SLC19A1: variants seen among roughly 807,000 people sequenced by gnomAD.
The protein encoded by SLC19A1 is reduced folate transporter.
Under a neutral mutation model 35.3 loss-of-function variants are expected in SLC19A1, and 37 were observed. The ratio of observed to expected loss-of-function variants is 1.05; its 90% CI spans 0.81 to 1.38. The LOEUF (loss-of-function observed/expected upper bound fraction) is 1.38, where lower values mean the gene tolerates loss of function less well. SLC19A1 is among the 40% of genes most tolerant of loss of function. The pLI is 0.00. For missense variants in SLC19A1, 831 were observed against 826.9 expected, an observed-to-expected ratio of 1.00 and a Z score of -0.06; for synonymous variants, 460 against 398.5, an observed-to-expected ratio of 1.15 and a Z score of -1.84.
chr21:45,507,611 T>C (rs764341006), downstream of SLC19A1: 2 of 1,611,986 alleles, frequency 1.2e-6, no homozygotes, highest in South Asian at 2.2e-5. Context: ...GCCTTTTTTC[T>C]GTTGAGACTG....
intron 3 of SLC19A1, among the ~76,000 whole-genome samples, chr21:45,503,224 C>T (rs561464619): frequency 5.6e-4 from 85 of 152,296 alleles, no homozygotes; most frequent in African/African-American, 1.3e-3. Context: ...ACATCCTCTC[C>T]GGCACCTGTT....
chr21:45,509,409 C>T (rs768986320), downstream of SLC19A1: 2 of 1,541,374 alleles, frequency 1.3e-6, no homozygotes, highest in Admixed American at 1.9e-5. Flanking sequence ...ACGACAGCAA[C>T]CCCTACCCGC....
chr21:45,537,304 A>C (rs3788202), intron 2 of SLC19A1, among the ~76,000 whole-genome samples: 1 of 152,002 alleles, frequency 6.6e-6, no homozygotes, highest in Non-Finnish European at 1.5e-5. Context: ...GGTTCCCTCC[A>C]GGACCATATT....
upstream of SLC19A1, among the ~76,000 whole-genome samples, chr21:45,545,547 A>G (rs1264552369): frequency 1.3e-5 from 2 of 151,992 alleles, no homozygotes; most frequent in Non-Finnish European, 2.9e-5. Flanking sequence ...TATGATACCC[A>G]GTCTCTGTGT....
rs150626136 is a variant in SLC19A1, at chr21:45,557,976, T to G, written c.-50+4766A>C. On this transcript the variant is annotated intron_variant, in intron 1 of 5. Coordinates refer to the SLC19A1 transcript ENST00000650808. Reference sequence around the variant, plus strand: ...CATTCCTGTTTAGACATGAGCTCCATTCTTCGGAGGGCATGACCAGGAGGC... The same window carrying G: ...CATTCCTGTTTAGACATGAGCTCCAGTCTTCGGAGGGCATGACCAGGAGGC... Among the ~76,000 whole-genome samples, 609 of 152,360 alleles carry G rather than the reference T, an allele frequency of 4.0e-3. 4 individuals are homozygous for G. The highest frequency in any genetic ancestry group is 0.014 in the African/African-American group (569 of 41,584).
At chr21:45,556,008 C>A (rs1247494882) in intron 1 of SLC19A1, among the ~76,000 whole-genome samples, 1 of 152,190 alleles carries the variant, frequency 6.6e-6, no homozygotes, top group African/African-American at 2.4e-5. Flanking sequence ...TCCAGGAAGA[C>A]CCCCGCCCTA....
At chr21:45,512,062 G>A (rs1257646101), downstream of SLC19A1, 4 of 1,026,402 alleles carry the variant, frequency 3.9e-6, no homozygotes, top group Admixed American at 6.0e-5. Flanking sequence ...CAGGTTGTGG[G>A]AGCCTCTGCA....
intron 5 of SLC19A1, among the ~76,000 whole-genome samples, chr21:45,520,305 A>G (rs2077399077): frequency 6.6e-6 from 1 of 152,150 alleles, no homozygotes; most frequent in Non-Finnish European, 1.5e-5. Flanking sequence ...AAGCAAGCAG[A>G]AAGAAGGAAT....
intron 3 of SLC19A1, among the ~76,000 whole-genome samples, chr21:45,503,163 T>G (rs944172155): frequency 6.6e-6 from 1 of 152,222 alleles, no homozygotes; most frequent in Admixed American, 6.5e-5. Context: ...TCCACAATGG[T>G]TGAACTAGTT....
rs750941598 is a variant in SLC19A1 at position 45,530,994 on chromosome 21, T to C, written c.950-23A>G. ...CGCCTGAGAGGGGAGGGATGGGGCG[T>C]TGCAGCGGCCCTGGGGGGCCACGGG... On this transcript the variant is annotated intron_variant, in intron 3 of 5. Transcript: ENST00000311124. This position sits in a 1 kb window ranked among gnomAD's most constrained non-coding sequence, Gnocchi z 5.3. The C allele has an allele frequency of 2.3e-5, 32 of 1,413,480 alleles. No homozygotes were observed. The highest frequency in any genetic ancestry group is 2.8e-5 in the Non-Finnish European group (30 of 1,086,694). The allele number at this position is 1,413,480 out of a possible 1,614,324, so 87.6% of individuals were successfully genotyped here.
intron 5 of SLC19A1, among the ~76,000 whole-genome samples, chr21:45,520,974 T>C (rs956994385): frequency 1.9e-4 from 28 of 149,756 alleles, no homozygotes; most frequent in African/African-American, 6.7e-4. Flanking sequence ...GAGCTGAGAT[T>C]GCGCCATTGC....
rs536170087 is a variant in SLC19A1 at position 45,506,900 on chromosome 21, A to T, written c.498-8288T>A. 27 of 206,118 alleles carry T rather than the reference A, an allele frequency of 1.3e-4. No individual in the cohort carries two copies. The South Asian group carries it at 2.1e-3, about 16-fold the overall frequency. 12.8% of individuals were successfully genotyped at this position (206,118 alleles called of 1,614,324 possible). A position where few individuals can be genotyped will look rare whatever the true frequency, so the allele number is the denominator to read the frequency against. On this transcript the variant is annotated intron_variant, in intron 3 of 4. Transcript: ENST00000417954. ...CAGTGAATCCCACTCCAGTCCCTTC[A>T]TCTGGCCAGGGAGAGGCTGCCAGTC...
chr21:45,538,345 G>T (rs1004128926), intron 1 of SLC19A1, among the ~76,000 whole-genome samples: 2 of 152,246 alleles, frequency 1.3e-5, no homozygotes, highest in African/African-American at 4.8e-5. Context: ...AAAATTTAGG[G>T]TTTGGGGCCA....
At chr21:45,508,309 G>A (rs538871095), downstream of SLC19A1, among the ~76,000 whole-genome samples, 2 of 151,306 alleles carry the variant, frequency 1.3e-5, no homozygotes, top group African/African-American at 2.4e-5. Flanking sequence ...GGTGGTTGCT[G>A]GACAGGTGGG....
Position 45,537,719 on chromosome 21 carries a change from T to TGGGGGGGGCCCCCCCCCCCCCCCCC in SLC19A1, c.189+51_189+52insGGGGGGGGGGGGGGGGGCCCCCCCC. 4 of 319,776 alleles carry TGGGGGGGGCCCCCCCCCCCCCCCCC rather than the reference T, an allele frequency of 1.3e-5. 1 individual carries two copies. Among genetic ancestry groups the TGGGGGGGGCCCCCCCCCCCCCCCCC allele is most frequent in the Non-Finnish European group, 2.3e-5 (4 of 177,720 alleles). 19.8% of individuals were successfully genotyped at this position (319,776 alleles called of 1,614,324 possible). On this transcript the variant is annotated intron_variant, in intron 2 of 5. Transcript: ENST00000311124. ...CCCACGTGCCTATTCCAGACGCTGC[T>TGGGGGGGGCCCCCCCCCCCCCCCCC]CCCCGCCCACCCACCCACAGGCGGC... is the stretch of plus-strand genomic sequence containing the variant.
intron 1 of SLC19A1, among the ~76,000 whole-genome samples, chr21:45,560,482 C>T (rs1013252253): frequency 6.6e-6 from 1 of 152,216 alleles, no homozygotes. Context: ...ATCCACCACG[C>T]AGCAGGGAGG....
Position 45,515,156 on chromosome 21 carries a change from C to A in SLC19A1, c.*502G>T, listed in dbSNP as rs1181623136. On this transcript the variant is annotated 3_prime_UTR_variant, in exon 6 of 6. Coordinates refer to ENST00000311124, the MANE Select transcript of SLC19A1 (RefSeq NM_194255.4). ...AAGCCACATGCAGTTCTTCATTCTA[C>A]GTCAGTTAAAAAAAAAAAAAGCATC... 1.3e-6 allele frequency: 2 copies of A among 1,490,404 alleles called. No homozygotes were observed. Among genetic ancestry groups the A allele is most frequent in the Non-Finnish European group, 1.8e-6 (2 of 1,130,224 alleles). 92.3% of individuals were successfully genotyped at this position (1,490,404 alleles called of 1,614,324 possible).
intron 5 of SLC19A1, among the ~76,000 whole-genome samples, chr21:45,516,685 T>C (rs1337951629): frequency 6.6e-6 from 1 of 152,150 alleles, no homozygotes; most frequent in East Asian, 1.9e-4. Flanking sequence ...ACATCTCTCC[T>C]GATTCTCGCA....
chr21:45,514,086 A>C lies in SLC19A1; in HGVS notation c.*1572T>G, dbSNP rs2037762764. The C allele has an allele frequency of 6.6e-6, 1 of 152,670 alleles. No individual in the cohort carries two copies. The highest frequency in any genetic ancestry group is 6.5e-5 in the Admixed American group (1 of 15,288). 9.5% of individuals were successfully genotyped at this position (152,670 alleles called of 1,614,324 possible). A position where few individuals can be genotyped will look rare whatever the true frequency, so the allele number is the denominator to read the frequency against. On this transcript the variant is annotated 3_prime_UTR_variant, in exon 6 of 6. Transcript: ENST00000311124. ...TCAGAGGCAGGCAGGCAGTGGGTGCAGTGAGCAGGCTGCGGAGGGAGCAGG... is the reference window on the plus strand; with the variant it reads ...TCAGAGGCAGGCAGGCAGTGGGTGCCGTGAGCAGGCTGCGGAGGGAGCAGG...
Sources: gnomAD v4.1 joint callset for allele counts (sites outside exome capture counted in the v4.1 genomes callset) on GRCh38, gnomAD v4.1.1 for gene constraint, Gnocchi (gnomAD v3.1) non-coding constraint, MANE v1.5 for transcripts, NCBI Gene and HGNC (gene_info 2026-07-23, HGNC 2026-07-21) for gene names.